Variants in L2HGDH observed in about 807,000 individuals in gnomAD.
L2HGDH encodes L-2-hydroxyglutarate dehydrogenase, also known as L-2-hydroxyglutarate dehydrogenase, mitochondrial.
L2HGDH carries 34 observed loss-of-function variants against 51.5 expected under a neutral mutation model. The ratio of observed to expected loss-of-function variants is 0.66; its 90% confidence interval spans 0.50 to 0.88. The LOEUF is 0.88. Among genes scored for constraint, L2HGDH ranks in the 40% least tolerant of loss-of-function variants. The probability of loss-of-function intolerance (pLI) is 0.00; values close to 1 mark genes in which losing one functional copy is unlikely to be tolerated. For missense variants in L2HGDH, 558 were observed against 571.9 expected (o/e 0.98, Z 0.25); for synonymous variants, 198 against 197.9 (o/e 1.00, Z -0.01).
chr14:50,311,419 C>A (rs924202466), intron 1 of L2HGDH: 7 of 455,960 alleles, frequency 1.5e-5, no homozygotes, highest in African/African-American at 1.4e-4. Flanking sequence ...ACAGCCTTCA[C>A]ACAAACTGTT....
intron 9 of L2HGDH, among the ~76,000 whole-genome samples, chr14:50,256,401 A>G (rs1245895646): frequency 1.3e-5 from 2 of 151,506 alleles, no homozygotes; most frequent in Non-Finnish European, 2.9e-5. Context: ...TGTCCTAGCT[A>G]TTTGGGAGGT....
At chr14:50,248,036 G>A (rs1194296564) in intron 9 of L2HGDH, among the ~76,000 whole-genome samples, 1 of 152,098 alleles carries the variant, frequency 6.6e-6, no homozygotes, top group Non-Finnish European at 1.5e-5. Flanking sequence ...CTGGCCTCAA[G>A]TGATCCTCCC....
chr14:50,306,788 G>A lies in L2HGDH; in HGVS notation c.141-3771C>T, dbSNP rs535713789. The stretch of plus-strand genomic sequence containing the variant: ...TTCTTAAGGAAAGAAAAGCAGGGCT[G>A]GTGAAAGTTTTGTTTATACTGAAAA... On this transcript the variant is annotated intron_variant, in intron 1 of 9. Coordinates refer to ENST00000267436, the MANE Select transcript of L2HGDH (RefSeq NM_024884.3). Among the ~76,000 whole-genome samples the A allele has an allele frequency of 1.3e-4, 20 of 151,840 alleles. 1 individual carries two copies. The highest frequency in any genetic ancestry group is 3.4e-3 in the Middle Eastern group (1 of 294).
At chr14:50,282,571 C>T in intron 5 of L2HGDH, 1 of 454,938 alleles carries the variant, frequency 2.2e-6, no homozygotes, top group South Asian at 1.6e-5. Flanking sequence ...TAGGTACAGT[C>T]TATGAGTTGA....
chr14:50,287,182 C>T (rs1890608952), intron 4 of L2HGDH: 1 of 984,814 alleles, frequency 1.0e-6, no homozygotes, highest in Non-Finnish European at 1.2e-6. Context: ...ATTCCAAGGA[C>T]CTGTGATGGT....
chr14:50,265,940 T>C (rs1412379231), intron 8 of L2HGDH, among the ~76,000 whole-genome samples: 1 of 151,778 alleles, frequency 6.6e-6, no homozygotes, highest in Admixed American at 6.6e-5. Context: ...AATGAATCAA[T>C]GAAAATCAAC....
chr14:50,250,528 A>G (rs2139931522), intron 9 of L2HGDH, among the ~76,000 whole-genome samples: 1 of 152,306 alleles, frequency 6.6e-6, no homozygotes, highest in African/African-American at 2.4e-5. Flanking sequence ...TGGCTTCCAG[A>G]CAGCATCTCT....
intron 6 of L2HGDH, among the ~76,000 whole-genome samples, chr14:50,274,864 C>T (rs1889887805): frequency 1.3e-5 from 2 of 149,020 alleles, no homozygotes; most frequent in Admixed American, 1.4e-4. Context: ...TGAAATAAGC[C>T]AGACAGTGAA....
Position 50,291,197 on chromosome 14 carries a change from CAAAAAAAAAAA to C in L2HGDH, c.540+2907_540+2917del, listed in dbSNP as rs1159640500. Among the ~76,000 whole-genome samples, 296 of 30,668 alleles carry C rather than the reference CAAAAAAAAAAA, an allele frequency of 9.7e-3. 1 individual carries two copies. In the Middle Eastern group the frequency reaches 0.22, roughly 23 times the overall value. The allele number at this position is 30,668 out of a possible 152,430, so 20.1% of individuals were successfully genotyped here. ...TGGGGGACAGACTGAGACTCCGTCT[CAAAAAAAAAAA>C]AAAAAAAAAAAAAAAACAAACAAAA... is the stretch of plus-strand genomic sequence containing the variant. On this transcript the variant is annotated intron_variant, in intron 4 of 9. Transcript: ENST00000267436.
chr14:50,263,090 T>G (rs1889127514), intron 9 of L2HGDH, among the ~76,000 whole-genome samples: 1 of 152,222 alleles, frequency 6.6e-6, no homozygotes, highest in South Asian at 2.1e-4. Context: ...TTCCTCAGGC[T>G]TCTATAAAGG....
intron 6 of L2HGDH, among the ~76,000 whole-genome samples, chr14:50,272,614 G>C (rs113382160): frequency 3.3e-5 from 5 of 152,274 alleles, no homozygotes; most frequent in African/African-American, 1.2e-4. Flanking sequence ...TTGACCACAG[G>C]TCACTAAGTT....
chr14:50,247,952 G>A (rs942941848), intron 9 of L2HGDH, among the ~76,000 whole-genome samples: 76 of 151,402 alleles, frequency 5.0e-4, no homozygotes, highest in African/African-American at 1.7e-3. Flanking sequence ...ACACAACCTC[G>A]CCTGGCTAAT....
At chr14:50,252,099 A>G (rs948498378) in intron 9 of L2HGDH, among the ~76,000 whole-genome samples, 2 of 97,654 alleles carry the variant, frequency 2.0e-5, no homozygotes, top group Non-Finnish European at 2.0e-5. Context: ...ATATAAAGAG[A>G]AAAAAAAAAA....
chr14:50,273,850 C>T (rs1253643045), intron 6 of L2HGDH, among the ~76,000 whole-genome samples: 4 of 152,102 alleles, frequency 2.6e-5, no homozygotes, highest in South Asian at 2.1e-4. Context: ...GGAGCCAAGG[C>T]GGGTAGATCA....
At chr14:50,274,961 G>A (rs1286134591) in intron 6 of L2HGDH, among the ~76,000 whole-genome samples, 2 of 122,510 alleles carry the variant, frequency 1.6e-5, no homozygotes, top group Non-Finnish European at 3.3e-5. Context: ...GGTTGCTACA[G>A]ACTGGGAGGG....
At chr14:50,259,601 G>A (rs925638543) in intron 9 of L2HGDH, among the ~76,000 whole-genome samples, 8 of 151,572 alleles carry the variant, frequency 5.3e-5, no homozygotes, top group South Asian at 2.1e-4. Flanking sequence ...GGCCAAGGCG[G>A]GTAGATCACT....
intron 3 of L2HGDH, among the ~76,000 whole-genome samples, chr14:50,300,690 T>G (rs2030359393): frequency 6.6e-6 from 1 of 152,154 alleles, no homozygotes; most frequent in Non-Finnish European, 1.5e-5. Context: ...CCAGGCACAG[T>G]GGCTCACATC....
intron 4 of L2HGDH, among the ~76,000 whole-genome samples, chr14:50,289,259 C>T (rs1344643318): frequency 2.0e-5 from 3 of 152,016 alleles, no homozygotes; most frequent in African/African-American, 7.2e-5. Flanking sequence ...TAGGCTATCT[C>T]ACTCTAAAAA....
At chr14:50,288,251 A>T (rs17716174) in intron 4 of L2HGDH, among the ~76,000 whole-genome samples, 1 of 152,130 alleles carries the variant, frequency 6.6e-6, no homozygotes, top group Non-Finnish European at 1.5e-5. Flanking sequence ...TTCGGGAAGG[A>T]CATGTTTAAT....
Sources: gnomAD v4.1 joint callset for allele counts (sites outside exome capture counted in the v4.1 genomes callset) on GRCh38, gnomAD v4.1.1 for gene constraint, MANE v1.5 for transcripts, NCBI Gene and HGNC (gene_info 2026-07-23, HGNC 2026-07-21) for gene names.